The following OR2L13 variants were observed in gnomAD, a reference collection of about 807,000 sequenced individuals.
The protein encoded by OR2L13 is olfactory receptor family 2 subfamily L member 13, also known as olfactory receptor 2L13.
OR2L13 carries 14 observed loss-of-function variants against 15.3 expected under a neutral mutation model. The observed-to-expected ratio is 0.91, with a 90% confidence interval of 0.60 to 1.43. The LOEUF is 1.43. OR2L13 is among the 40% of genes most tolerant of loss of function. The pLI, the probability that OR2L13 is intolerant of heterozygous loss-of-function variation, is 0.00. For missense variants in OR2L13, 367 were observed against 387.9 expected, an observed-to-expected ratio of 0.95 and a Z score of 0.45; for synonymous variants, 152 against 142.9, an observed-to-expected ratio of 1.06 and a Z score of -0.45.
At chr1:247,941,340 TA>T in the OR2L13 span, among the ~76,000 whole-genome samples, 2 of 152,124 alleles carry the variant, frequency 1.3e-5, no homozygotes, top group East Asian at 3.9e-4. Flanking sequence ...GGTTATATCA[TA>T]GATATTGAAA....
At chr1:248,007,855 A>C in the OR2L13 span, among the ~76,000 whole-genome samples, 2 of 152,200 alleles carry the variant, frequency 1.3e-5, no homozygotes, top group Non-Finnish European at 1.5e-5. Context: ...AAAGGACATG[A>C]GTACTCTTTC....
chr1:248,033,530 G>A, the OR2L13 span, among the ~76,000 whole-genome samples: 1 of 151,668 alleles, frequency 6.6e-6, no homozygotes, highest in Non-Finnish European at 1.5e-5. Context: ...TCTGCCTCCT[G>A]GGCTCAAGCA....
At chr1:247,996,979 C>A in the OR2L13 span, 2 of 152,142 alleles carry the variant, frequency 1.3e-5, no homozygotes, top group Non-Finnish European at 2.9e-5. Context: ...ACAGCATATA[C>A]GTGCATTAAT....
the OR2L13 span, among the ~76,000 whole-genome samples, chr1:248,047,345 TG>T: frequency 6.6e-6 from 1 of 152,184 alleles, no homozygotes; most frequent in African/African-American, 2.4e-5. Flanking sequence ...TTACCTTATA[TG>T]AATCCAGTGT....
the OR2L13 span, among the ~76,000 whole-genome samples, chr1:247,956,421 A>G: frequency 6.6e-6 from 1 of 151,846 alleles, no homozygotes. Flanking sequence ...TGACTTGGCA[A>G]TGTGGGCTCT....
At chr1:248,038,867 G>A in the OR2L13 span, 2 of 1,614,004 alleles carry the variant, frequency 1.2e-6, no homozygotes, top group African/African-American at 1.3e-5. Context: ...CAGTGTTTTT[G>A]AGCAGCACCA....
chr1:247,969,228 A>G, the OR2L13 span, among the ~76,000 whole-genome samples: 24 of 151,788 alleles, frequency 1.6e-4, no homozygotes, highest in African/African-American at 4.1e-4. Flanking sequence ...TAAGTTCTTC[A>G]TAGATTCTGG....
At chr1:248,095,606 G>GTTTTTTTTTTTTTTTTTTTTTTTTTTTT (rs1476154907), upstream of OR2L13, among the ~76,000 whole-genome samples, 2 of 6,628 alleles carry the variant, frequency 3.0e-4, no homozygotes, top group Non-Finnish European at 4.9e-4. Context: ...TAAAGCTGCT[G>GTTTTTTTTTTTTTTTTTTTTTTTTTTTT]CTTTTTTTTT....
chr1:248,022,737 C>G, the OR2L13 span: 1 of 1,614,134 alleles, frequency 6.2e-7, no homozygotes. Context: ...TCCAAGATCC[C>G]TGCGATCTCT....
the OR2L13 span, among the ~76,000 whole-genome samples, chr1:248,017,933 T>C: frequency 6.6e-6 from 1 of 151,898 alleles, no homozygotes; most frequent in Non-Finnish European, 1.5e-5. Context: ...AAAAATACAT[T>C]CGTATCGAGA....
chr1:248,025,457 T>C, the OR2L13 span, among the ~76,000 whole-genome samples: 2 of 149,044 alleles, frequency 1.3e-5, no homozygotes, highest in African/African-American at 5.2e-5. Flanking sequence ...CAACAAGTGC[T>C]GGAGAGGATG....
the OR2L13 span, among the ~76,000 whole-genome samples, chr1:247,950,623 A>G: frequency 0.015 from 2,212 of 152,310 alleles, 25 homozygotes; most frequent in Non-Finnish European, 0.024. Flanking sequence ...CATTGTTGTC[A>G]GATATCATTT....
the OR2L13 span, among the ~76,000 whole-genome samples, chr1:248,008,033 G>T: frequency 1.3e-5 from 2 of 152,114 alleles, no homozygotes; most frequent in African/African-American, 2.4e-5. Flanking sequence ...TAGAAGAAAA[G>T]GTTACCTAAG....
chr1:248,022,130 G>C, the OR2L13 span: 1 of 1,613,834 alleles, frequency 6.2e-7, no homozygotes, highest in East Asian at 2.2e-5. Context: ...TGTATTTCCT[G>C]CTTAGTCAGC....
chr1:248,081,055 T>C, the OR2L13 span, among the ~76,000 whole-genome samples: 1 of 152,192 alleles, frequency 6.6e-6, no homozygotes, highest in East Asian at 1.9e-4. Context: ...AAACACACAA[T>C]GGGAAATCAC....
the OR2L13 span, among the ~76,000 whole-genome samples, chr1:247,956,675 G>A: frequency 1.3e-5 from 2 of 151,744 alleles, no homozygotes; most frequent in East Asian, 3.9e-4. Context: ...TTCTAAGTTG[G>A]ATTCCTAAGT....
At chr1:248,003,809 A>G in the OR2L13 span, 16 of 1,613,630 alleles carry the variant, frequency 9.9e-6, no homozygotes, top group Admixed American at 2.2e-4. Context: ...TGTCTACCAC[A>G]TGAAATCTGC....
At chr1:248,066,779 G>A in the OR2L13 span, among the ~76,000 whole-genome samples, 1 of 152,168 alleles carries the variant, frequency 6.6e-6, no homozygotes, top group Non-Finnish European at 1.5e-5. Flanking sequence ...CACAAGTAGT[G>A]TGTTATTTAC....
chr1:248,004,085 A>C, the OR2L13 span: 1 of 1,586,196 alleles, frequency 6.3e-7, no homozygotes, highest in Non-Finnish European at 8.6e-7. Context: ...CTTTCTGCCT[A>C]AGGTTTCAGG....
Sources: allele counts gnomAD v4.1 joint callset (sites outside exome capture counted in the v4.1 genomes callset), GRCh38; gene constraint gnomAD v4.1.1; transcripts MANE v1.5; gene names NCBI Gene and HGNC (gene_info 2026-07-23, HGNC 2026-07-21).